NEDD4: variants seen among roughly 807,000 people sequenced by gnomAD.
NEDD4 encodes the protein NEDD4 E3 ubiquitin protein ligase.
Under a neutral mutation model 144.9 loss-of-function variants are expected in NEDD4, and 99 were observed. The ratio of observed to expected loss-of-function variants is 0.68; its 90% CI spans 0.58 to 0.81. The LOEUF (loss-of-function observed/expected upper bound fraction) is 0.81, where lower values mean the gene tolerates loss of function less well. Among genes scored for constraint, NEDD4 ranks in the 30% least tolerant of loss-of-function variants. The pLI is 0.00. For synonymous variants in NEDD4, 318 were observed against 350.6 expected (o/e 0.91, Z 1.04); for missense variants, 985 against 1,065.9 (o/e 0.92, Z 1.06).
At chr15:55,848,681 A>G in intron 15 of NEDD4, 106 bp from the exon 16 acceptor site, 1 of 1,281,044 alleles carries the variant, frequency 7.8e-7, no homozygotes, top group Non-Finnish European at 1.1e-6. Flanking sequence ...ATTCCATTCC[A>G]TTCTTAGAAG....
At chr15:55,851,047 G>A (rs1392744688) in intron 13 of NEDD4, among the ~76,000 whole-genome samples, 1 of 152,148 alleles carries the variant, frequency 6.6e-6, no homozygotes, top group Non-Finnish European at 1.5e-5. Flanking sequence ...TGCTGTGGGT[G>A]CATCTGACTG....
At chr15:55,834,804 G>A (rs2033118655) in intron 24 of NEDD4, among the ~76,000 whole-genome samples, 1 of 152,074 alleles carries the variant, frequency 6.6e-6, no homozygotes, top group South Asian at 2.1e-4. Flanking sequence ...CTTCTTTACA[G>A]TAGGTAAGTG....
chr15:55,988,487 T>TAAAAAAA (rs56688563), intron 1 of NEDD4, among the ~76,000 whole-genome samples: 58 of 101,646 alleles, frequency 5.7e-4, no homozygotes, highest in African/African-American at 9.9e-4. Flanking sequence ...AAAAAAAAAT[T>TAAAAAAA]AAAAAAAAAA....
intron 8 of NEDD4, among the ~76,000 whole-genome samples, chr15:55,868,946 A>T (rs1276732767): frequency 6.6e-6 from 1 of 152,152 alleles, no homozygotes; most frequent in Non-Finnish European, 1.5e-5. Flanking sequence ...GGCTAGACAG[A>T]GTGTGCAACT....
At chr15:55,848,141 TCTGA>T (rs2033825427) in intron 17 of NEDD4, among the ~76,000 whole-genome samples, 1 of 152,246 alleles carries the variant, frequency 6.6e-6, no homozygotes, top group African/African-American at 2.4e-5. Flanking sequence ...GCCTTAGCAT[TCTGA>T]CTGTCTGGCT....
intron 1 of NEDD4, among the ~76,000 whole-genome samples, chr15:55,977,071 G>A (rs1355472216): frequency 6.6e-6 from 1 of 152,154 alleles, no homozygotes; most frequent in East Asian, 1.9e-4. Flanking sequence ...GTCTGAGTGG[G>A]AGAAAATATG....
intron 18 of NEDD4, 50 bp from the exon 19 acceptor site, chr15:55,842,213 AC>A (rs1170929051): frequency 1.1e-5 from 16 of 1,456,012 alleles, no homozygotes; most frequent in Non-Finnish European, 1.5e-5. Flanking sequence ...CAACATAATA[AC>A]AAACCCATCT....
At chr15:55,929,507 C>T (rs1183557747) in intron 4 of NEDD4, among the ~76,000 whole-genome samples, 5 of 152,068 alleles carry the variant, frequency 3.3e-5, no homozygotes, top group African/African-American at 1.2e-4. Context: ...CTCAAGCAGG[C>T]CGCGGTGTCT....
intron 4 of NEDD4, among the ~76,000 whole-genome samples, chr15:55,944,568 G>A (rs1045758170): frequency 2.0e-5 from 3 of 152,218 alleles, no homozygotes; most frequent in Non-Finnish European, 2.9e-5. Context: ...GGGCATAGCT[G>A]AACAAAATGC....
rs540319341 is a variant in NEDD4 at position 55,830,305 on chromosome 15, T to C, written c.2600+209A>G. Among the ~76,000 whole-genome samples, 3 of 152,278 alleles carry C rather than the reference T, an allele frequency of 2.0e-5. No homozygotes were observed. The East Asian group carries it at 5.8e-4, about 29-fold the overall frequency. ...TCACTCATCACTCAGTTTAGGTGGG[T>C]CTCTCTGATCTTCAGCTACCTGGAC... On this transcript the variant is annotated intron_variant, in intron 28 of 28. Transcript: ENST00000435532.
chr15:55,909,609 C>G (rs1443620124), intron 5 of NEDD4, among the ~76,000 whole-genome samples: 5 of 152,172 alleles, frequency 3.3e-5, no homozygotes, highest in African/African-American at 4.8e-5. Flanking sequence ...ATCGCCTGGC[C>G]TCACCCAGAG....
chr15:55,882,303 A>G (rs1342338972), intron 5 of NEDD4, among the ~76,000 whole-genome samples: 1 of 152,106 alleles, frequency 6.6e-6, no homozygotes, highest in African/African-American at 2.4e-5. Flanking sequence ...AGTTGCTGAC[A>G]CCCACCCCCT....
chr15:55,830,445 G>T, intron 28 of NEDD4, 69 bp downstream of exon 28: 1 of 1,336,982 alleles, frequency 7.5e-7, no homozygotes, highest in Non-Finnish European at 1.1e-6. Context: ...TAGCCCTGCT[G>T]TGGCTAGACT....
intron 4 of NEDD4, among the ~76,000 whole-genome samples, chr15:55,932,737 A>G (rs183958379): frequency 3.0e-4 from 46 of 152,330 alleles, no homozygotes; most frequent in African/African-American, 1.1e-3. Context: ...CAGGCAACCT[A>G]CAGAATGGGA....
rs1046405305 is a variant in NEDD4, at chr15:55,935,576, G to A, written c.238-10877C>T. ...GGGATACTCAGCAAAGGCTGGGCGT[G>A]GTGGCTCATGCCTGTAATCCTAGCA... On this transcript the variant is annotated intron_variant, in intron 4 of 28. Transcript: ENST00000435532. Among the ~76,000 whole-genome samples, 5 of 152,130 alleles carry A rather than the reference G, an allele frequency of 3.3e-5. 1 individual carries two copies. The highest frequency in any genetic ancestry group is 2.1e-4 in the South Asian group (1 of 4,802).
At chr15:55,900,498 T>G (rs1014734928) in intron 5 of NEDD4, among the ~76,000 whole-genome samples, 26 of 152,206 alleles carry the variant, frequency 1.7e-4, no homozygotes, top group African/African-American at 2.7e-4. Flanking sequence ...GTATAATATA[T>G]TTCGGCAATT....
chr15:55,884,711 G>T (rs1008313124), intron 5 of NEDD4, among the ~76,000 whole-genome samples: 1 of 151,932 alleles, frequency 6.6e-6, no homozygotes, highest in African/African-American at 2.4e-5. Flanking sequence ...GCAGAAGAAA[G>T]AATAGTGAAT....
At chr15:55,856,264 G>C in intron 11 of NEDD4, 68 bp from the exon 12 acceptor site, 1 of 1,337,016 alleles carries the variant, frequency 7.5e-7, no homozygotes, top group Non-Finnish European at 1.1e-6. Flanking sequence ...TGACAGCTAA[G>C]GTAGTGAGGG....
At chr15:55,921,646 A>T (rs1305262060) in intron 5 of NEDD4, among the ~76,000 whole-genome samples, 3 of 152,114 alleles carry the variant, frequency 2.0e-5, no homozygotes, top group Non-Finnish European at 2.9e-5. Flanking sequence ...CAATATTTTG[A>T]TTAATGTGTT....
Sources: allele counts gnomAD v4.1 joint callset (sites outside exome capture counted in the v4.1 genomes callset), GRCh38; gene constraint gnomAD v4.1.1; transcripts MANE v1.5; gene names NCBI Gene and HGNC (gene_info 2026-07-23, HGNC 2026-07-21).